Variants in TPH2 observed in about 807,000 individuals in gnomAD.
TPH2 encodes the protein tryptophan 5-hydroxylase 2.
TPH2 carries 27 observed loss-of-function variants against 59.1 expected under a neutral mutation model. The observed-to-expected ratio is 0.46, with a 90% CI of 0.34 to 0.63. The LOEUF (loss-of-function observed/expected upper bound fraction) is 0.63. Ranked by LOEUF, TPH2 falls within the 30% of genes least tolerant of loss-of-function variation. The pLI is 0.01. For synonymous variants in TPH2, 220 were observed against 210.5 expected (o/e 1.05, Z -0.39); for missense variants, 523 against 588.3 (o/e 0.89, Z 1.15).
At chr12:71,989,512 A>G (rs1000633761) in intron 7 of TPH2, among the ~76,000 whole-genome samples, 3 of 152,150 alleles carry the variant, frequency 2.0e-5, no homozygotes, top group African/African-American at 7.2e-5. Context: ...TCTCTTCGTG[A>G]TTTAGCTAAA....
chr12:72,002,264 A>G (rs962621789), intron 8 of TPH2, among the ~76,000 whole-genome samples: 1 of 152,168 alleles, frequency 6.6e-6, no homozygotes, highest in African/African-American at 2.4e-5. Flanking sequence ...CAGGCGAGAA[A>G]GAAAGGGTGG....
At chr12:72,017,088 G>A (rs1256467264) in intron 8 of TPH2, among the ~76,000 whole-genome samples, 2 of 152,194 alleles carry the variant, frequency 1.3e-5, no homozygotes, top group Admixed American at 1.3e-4. Context: ...CCAAACATAA[G>A]AAGGGTTTTG....
chr12:72,028,636 C>T (rs904887051), intron 9 of TPH2, among the ~76,000 whole-genome samples: 1 of 152,090 alleles, frequency 6.6e-6, no homozygotes, highest in African/African-American at 2.4e-5. Flanking sequence ...CCCCCATCTC[C>T]AGGTTCTTGT....
chr12:71,967,611 T>C (rs568347189), intron 5 of TPH2, among the ~76,000 whole-genome samples: 2 of 152,350 alleles, frequency 1.3e-5, no homozygotes, highest in South Asian at 2.1e-4. Context: ...TTGTTGAGAA[T>C]GCTGTAATCC....
At position 72,031,553 on chromosome 12, in the gene TPH2, C is replaced by T; in HGVS notation, c.1331C>T (p.Ser444Leu). Residue 444 changes from serine to leucine, a missense_variant, in exon 11 of 11, where the codon TCA becomes TTA. Ser to Leu is a moderately radical substitution (Grantham distance 145, BLOSUM62 -2). Coordinates refer to ENST00000333850, the MANE Select transcript of TPH2 (RefSeq NM_173353.4). ...GCAAAGTCAATTACCCGTCCCTTCT[C>T]AGTATACTTCAATCCCTACACACAG... is the stretch of plus-strand genomic sequence containing the variant. ...DFAKSITRPF[S>L]VYFNPYTQSI... 1 of 1,613,642 alleles carries T rather than the reference C, an allele frequency of 6.2e-7. No individual in the cohort carries two copies. The highest frequency in any genetic ancestry group is 8.5e-7 in the Non-Finnish European group (1 of 1,179,686).
In TPH2 at chr12:72,031,702, G is replaced by C. The variant is rs758479024; in HGVS notation, c.*7G>C. On this transcript the variant is annotated 3_prime_UTR_variant, in exon 11 of 11. Coordinates refer to ENST00000333850, the MANE Select transcript of TPH2 (RefSeq NM_173353.4). The stretch of plus-strand genomic sequence containing the variant: ...CCAATATCTGGGGATTTGATGCCTG[G>C]AACTATGTTGTTGCCAGCATGATCT... 3.7e-6 allele frequency: 6 copies of C among 1,613,228 alleles called. No homozygotes were observed. Among genetic ancestry groups the C allele is most frequent in the Admixed American group, 1.7e-5 (1 of 59,996 alleles).
chr12:72,013,998 G>C (rs1449010573), intron 8 of TPH2, among the ~76,000 whole-genome samples: 2 of 152,204 alleles, frequency 1.3e-5, no homozygotes, highest in South Asian at 2.1e-4. Context: ...GGCTCGAAGA[G>C]AGTATATGGT....
chr12:71,944,568 C>G lies in TPH2; in HGVS notation c.440-18C>G. 1.2e-6 allele frequency: 2 copies of G among 1,613,528 alleles called. No individual in the cohort carries two copies. Among genetic ancestry groups the G allele is most frequent in the Non-Finnish European group, 1.7e-6 (2 of 1,179,506 alleles). ...AATCTGTGAACTAATATTTTTGAAC[C>G]TGCACTGTTTTCAACAGAGCTAGAG... On this transcript the variant is annotated intron_variant, in intron 3 of 10. Transcript: ENST00000333850.
chr12:71,982,774 G>A (rs1023229587), intron 7 of TPH2, among the ~76,000 whole-genome samples: 28 of 152,194 alleles, frequency 1.8e-4, no homozygotes, highest in African/African-American at 6.5e-4. Flanking sequence ...TGGAGGCTGC[G>A]CTAATGAGAC....
chr12:72,030,518 G>T (rs1278095222), intron 9 of TPH2, among the ~76,000 whole-genome samples: 1 of 152,100 alleles, frequency 6.6e-6, no homozygotes, highest in African/African-American at 2.4e-5. Context: ...TGTTCTTAGT[G>T]CTAGTCATGT....
At chr12:71,952,389 G>A (rs947825802) in intron 5 of TPH2, among the ~76,000 whole-genome samples, 2 of 152,096 alleles carry the variant, frequency 1.3e-5, no homozygotes, top group East Asian at 3.9e-4. Flanking sequence ...AGGTTCAAGG[G>A]GCCTGGCTGT....
chr12:71,952,715 C>T (rs1871384236), intron 5 of TPH2, among the ~76,000 whole-genome samples: 1 of 152,178 alleles, frequency 6.6e-6, no homozygotes. Context: ...CTTGTGTGCA[C>T]TCCTCTCCTC....
intron 9 of TPH2, among the ~76,000 whole-genome samples, chr12:72,028,628 C>T (rs1873633424): frequency 6.6e-6 from 1 of 152,098 alleles, no homozygotes; most frequent in African/African-American, 2.4e-5. Context: ...TGGCTGCTCC[C>T]CCATCTCCAG....
At chr12:71,959,406 G>C (rs1871613908) in intron 5 of TPH2, among the ~76,000 whole-genome samples, 2 of 152,198 alleles carry the variant, frequency 1.3e-5, no homozygotes, top group South Asian at 4.1e-4. Context: ...CTAGTGCTCA[G>C]TACTGTGCGC....
At chr12:71,979,708 T>C (rs887124305) in intron 7 of TPH2, among the ~76,000 whole-genome samples, 2 of 152,232 alleles carry the variant, frequency 1.3e-5, no homozygotes, top group African/African-American at 4.8e-5. Flanking sequence ...TAAGAGGTGA[T>C]GCTATACTGC....
In TPH2 at chr12:72,031,333, A is replaced by T. The variant is rs756147028; in HGVS notation, c.1240A>T (p.Thr414Ser). ...TTGCTTACAGGAATGCCTTATCACC[A>T]CCTTCCAGGAAGCCTACTTTGTTTC... is the stretch of plus-strand genomic sequence containing the variant. ...TTCLQECLITTFQEAYFVSES... is the reference protein window; with the variant it reads ...TTCLQECLITSFQEAYFVSES... The change falls in exon 10 of 11, where the codon ACC becomes TCC. Residue 414 changes from threonine to serine, a missense_variant. Thr to Ser is a moderately conservative substitution (Grantham distance 58). Transcript: ENST00000333850. The T allele has an allele frequency of 4.2e-5, 68 of 1,613,704 alleles. No homozygotes were observed. The highest frequency in any genetic ancestry group is 8.3e-5 in the Admixed American group (5 of 59,984).
At chr12:72,028,082 C>T (rs1245255791) in intron 9 of TPH2, among the ~76,000 whole-genome samples, 1 of 152,118 alleles carries the variant, frequency 6.6e-6, no homozygotes, top group Non-Finnish European at 1.5e-5. Context: ...CAAAATAGTC[C>T]TTTTAGAGGG....
intron 5 of TPH2, among the ~76,000 whole-genome samples, chr12:71,968,610 A>G (rs185893582): frequency 6.6e-6 from 1 of 152,208 alleles, no homozygotes; most frequent in African/African-American, 2.4e-5. Flanking sequence ...TTGGGAAAGA[A>G]AGTGCCCTAC....
chr12:71,953,998 C>A (rs1404021046), intron 5 of TPH2, among the ~76,000 whole-genome samples: 3 of 152,056 alleles, frequency 2.0e-5, no homozygotes, highest in African/African-American at 7.2e-5. Context: ...GAAACCACAA[C>A]CAAGAAGCCC....
Sources: allele counts gnomAD v4.1 joint callset (sites outside exome capture counted in the v4.1 genomes callset), GRCh38; gene constraint gnomAD v4.1.1; transcripts MANE v1.5; gene names NCBI Gene and HGNC (gene_info 2026-07-23, HGNC 2026-07-21).